AK7: variants seen among roughly 807,000 people sequenced by gnomAD.
AK7 encodes ATP-AMP transphosphorylase 7.
A neutral mutation model predicts 96.6 loss-of-function variants in AK7; 78 were observed. The ratio of observed to expected loss-of-function variants is 0.81; its 90% CI spans 0.67 to 0.97. AK7 has a LOEUF of 0.97. AK7 is among the 50% of genes least tolerant of loss of function. The pLI is 0.00. For synonymous variants in AK7, 302 were observed against 317.2 expected, an observed-to-expected ratio of 0.95 and a Z score of 0.51; for missense variants, 855 against 887.9, an observed-to-expected ratio of 0.96 and a Z score of 0.47.
At chr14:96,469,511 G>A (rs1283001470) in intron 12 of AK7, among the ~76,000 whole-genome samples, 1 of 145,352 alleles carries the variant, frequency 6.9e-6, no homozygotes, top group East Asian at 2.1e-4. Context: ...GGTAACGGAT[G>A]AGACTCTGTC....
chr14:96,408,862 T>C lies in AK7; in HGVS notation c.419T>C (p.Val140Ala). 2 of 1,614,182 alleles carry C rather than the reference T, an allele frequency of 1.2e-6. No individual in the cohort carries two copies. Among genetic ancestry groups the C allele is most frequent in the Non-Finnish European group, 8.5e-7 (1 of 1,180,030 alleles). The change falls in exon 4 of 18, where the codon GTC becomes GCC. Residue 140 changes from valine (V) to alanine (A), a missense_variant. Transcript: ENST00000267584. ...IWAVSALSEE[V>A]SHFEKRKLFI... ...GGCCCCACAGCACTCAGTGAAGAAGTCAGCCACTTTGAAAAGCGAAAGCTA... is the reference window on the plus strand; with the variant it reads ...GGCCCCACAGCACTCAGTGAAGAAGCCAGCCACTTTGAAAAGCGAAAGCTA...
chr14:96,473,932 C>G (rs565417184), intron 14 of AK7, among the ~76,000 whole-genome samples: 1 of 152,192 alleles, frequency 6.6e-6, no homozygotes, highest in Non-Finnish European at 1.5e-5. Flanking sequence ...CATATTTACA[C>G]AGGGATTTCA....
rs1391921900 is a variant in AK7, at chr14:96,486,853, C to T, written c.1975-45C>T. 5.1e-6 allele frequency: 8 copies of T among 1,578,580 alleles called. No homozygotes were observed. In the Admixed American group the frequency reaches 1.3e-4, roughly 27 times the overall value. On this transcript the variant is annotated intron_variant, in intron 16 of 17. Transcript: ENST00000267584. The stretch of plus-strand genomic sequence containing the variant: ...GGGTGAACTGTGTGAGTGTTCTCCC[C>T]TTTCTCACTACACATTTACTTTACC...
intron 12 of AK7, among the ~76,000 whole-genome samples, chr14:96,466,960 G>T (rs535293178): frequency 2.7e-5 from 4 of 150,446 alleles, no homozygotes; most frequent in Admixed American, 1.3e-4. Context: ...TGCACATTCT[G>T]CATGCACAAT....
At position 96,488,572 on chromosome 14, in the gene AK7, A is replaced by C. The variant is rs1372612510; in HGVS notation, c.*229A>C. On this transcript the variant is annotated 3_prime_UTR_variant, in exon 18 of 18. Coordinates refer to ENST00000267584, the MANE Select transcript of AK7 (RefSeq NM_152327.5). ...ACATTTGTGCATAGCTCATGAGACA[A>C]ATACTGATTTAATATTTTATTCTTT... 2.3e-6 allele frequency: 1 copy of C among 429,768 alleles called. No individual in the cohort carries two copies. Among genetic ancestry groups the C allele is most frequent in the East Asian group, 3.7e-5 (1 of 27,278 alleles). The allele number at this position is 429,768 out of a possible 1,614,324, so 26.6% of individuals were successfully genotyped here. A position where few individuals can be genotyped will look rare whatever the true frequency, so the allele number is the denominator to read the frequency against.
chr14:96,488,041 T>A (rs1895870334), intron 17 of AK7: 1 of 399,214 alleles, frequency 2.5e-6, no homozygotes, highest in Non-Finnish European at 4.7e-6. Context: ...GCCTCCCAAG[T>A]AGCTGGGATT....
intron 12 of AK7, among the ~76,000 whole-genome samples, chr14:96,470,892 G>A (rs1894847084): frequency 6.6e-6 from 1 of 152,144 alleles, no homozygotes; most frequent in Admixed American, 6.5e-5. Flanking sequence ...TCCAGTTGCT[G>A]CTCCTCAATC....
intron 12 of AK7, among the ~76,000 whole-genome samples, chr14:96,466,749 G>A (rs1028808490): frequency 2.6e-5 from 4 of 152,016 alleles, no homozygotes; most frequent in Admixed American, 6.6e-5. Flanking sequence ...AAAAATACAC[G>A]GCCGGAGAGA....
At chr14:96,478,216 A>G (rs1595464107) in intron 14 of AK7, among the ~76,000 whole-genome samples, 1 of 139,436 alleles carries the variant, frequency 7.2e-6, no homozygotes, top group African/African-American at 2.7e-5. Context: ...AGGAAGGAAG[A>G]GAGGGAGGGG....
intron 2 of AK7, 30 bp from the exon 3 acceptor site, chr14:96,404,727 C>G: frequency 6.8e-7 from 1 of 1,474,914 alleles, no homozygotes; most frequent in Non-Finnish European, 9.5e-7. Context: ...TAGCGTCTTG[C>G]TGCAAATGGC....
At chr14:96,417,001 G>T (rs1891383906) in intron 4 of AK7, among the ~76,000 whole-genome samples, 1 of 152,214 alleles carries the variant, frequency 6.6e-6, no homozygotes, top group African/African-American at 2.4e-5. Context: ...TTCTCTTATG[G>T]TTCACCTCAT....
chr14:96,462,230 A>G (rs561113180), intron 12 of AK7, among the ~76,000 whole-genome samples: 2 of 151,934 alleles, frequency 1.3e-5, no homozygotes, highest in Non-Finnish European at 2.9e-5. Flanking sequence ...GCGTCCCTCA[A>G]AGCTCCTCAC....
At chr14:96,424,192 A>C in intron 5 of AK7, 1 of 580,382 alleles carries the variant, frequency 1.7e-6, no homozygotes, top group Non-Finnish European at 3.2e-6. Context: ...CAGGGCCCGG[A>C]CCGCTGTCTG....
chr14:96,433,679 C>T (rs930328906), intron 5 of AK7, among the ~76,000 whole-genome samples: 8 of 152,200 alleles, frequency 5.3e-5, no homozygotes, highest in African/African-American at 1.2e-4. Context: ...TCTGTCAACT[C>T]GTCAAAGTCA....
At chr14:96,423,219 G>C (rs1271686364) in intron 5 of AK7, among the ~76,000 whole-genome samples, 1 of 152,190 alleles carries the variant, frequency 6.6e-6, no homozygotes, top group Non-Finnish European at 1.5e-5. Flanking sequence ...TGTTGGGGCT[G>C]AGCCTCATTG....
chr14:96,400,815 G>A (rs1890366263), intron 2 of AK7, among the ~76,000 whole-genome samples: 1 of 152,242 alleles, frequency 6.6e-6, no homozygotes, highest in African/African-American at 2.4e-5. Context: ...CTTTAAGCCA[G>A]AAGAGGGAGT....
At chr14:96,468,530 C>T (rs1894710060) in intron 12 of AK7, among the ~76,000 whole-genome samples, 1 of 152,002 alleles carries the variant, frequency 6.6e-6, no homozygotes, top group Non-Finnish European at 1.5e-5. Flanking sequence ...ATCTTCTGAC[C>T]TCGTGATCCA....
chr14:96,451,462 A>T lies in AK7; in HGVS notation c.990A>T (p.Glu330Asp). 6.3e-7 allele frequency: 1 copy of T among 1,596,256 alleles called. No homozygotes were observed. Among genetic ancestry groups the T allele is most frequent in the Non-Finnish European group, 8.5e-7 (1 of 1,170,580 alleles). Residue 330 changes from glutamate (E) to aspartate (D), a missense_variant, in exon 10 of 18, where the codon GAA becomes GAT. Coordinates refer to ENST00000267584, the MANE Select transcript of AK7 (RefSeq NM_152327.5). ...LDHLLVNLRM[E>D]ALFVKENFNI... ...ATTTACTGGTCAACTTAAGAATGGA[A>T]GCGCTCTTTGTGAAGGAGAATTTTA... is the stretch of plus-strand genomic sequence containing the variant.
chr14:96,468,882 A>C (rs187501167), intron 12 of AK7, among the ~76,000 whole-genome samples: 54 of 151,738 alleles, frequency 3.6e-4, no homozygotes, highest in South Asian at 4.2e-4. Flanking sequence ...GCTATGTAGG[A>C]GGGCTGTGCT....
Sources: allele counts gnomAD v4.1 joint callset (sites outside exome capture counted in the v4.1 genomes callset), GRCh38; gene constraint gnomAD v4.1.1; transcripts MANE v1.5; gene names NCBI Gene and HGNC (gene_info 2026-07-23, HGNC 2026-07-21).